The following AGBL1 variants were observed in gnomAD, a reference collection of about 807,000 sequenced individuals.
The protein encoded by AGBL1 is cytosolic carboxypeptidase 4.
A neutral mutation model predicts 118.9 loss-of-function variants in AGBL1; 130 were observed. The observed-to-expected ratio is 1.09, with a 90% confidence interval of 0.95 to 1.26. The LOEUF is 1.26. Ranked by LOEUF, AGBL1 falls within the 50% of genes most tolerant of loss-of-function variation. The pLI is 0.00. For synonymous variants in AGBL1, 555 were observed against 478.9 expected (o/e 1.16, Z -2.08); for missense variants, 1,584 against 1,298.1 (o/e 1.22, Z -3.38).
In AGBL1 at chr15:86,746,689, A is replaced by C. The variant is rs573799218; in HGVS notation, c.3158+72253A>C. 9.2e-5 allele frequency among the ~76,000 whole-genome samples: 14 copies of C among 152,154 alleles called. No homozygotes were observed. The East Asian group carries it at 2.5e-3, about 27-fold the overall frequency. ...CACTTATTGGATGTTTTGTGAACAC[A>C]TCCTTTCTCTTCTGTGTATTTTATG... is the stretch of plus-strand genomic sequence containing the variant. On this transcript the variant is annotated intron_variant, in intron 22 of 22. Coordinates refer to ENST00000614907, the MANE Select transcript of AGBL1 (RefSeq NM_001386094.1).
intron 22 of AGBL1, among the ~76,000 whole-genome samples, chr15:86,887,788 G>A (rs998954359): frequency 4.6e-5 from 7 of 151,960 alleles, no homozygotes; most frequent in South Asian, 2.1e-4. Flanking sequence ...AAAGGACTTC[G>A]ACAATTCTCC....
intron 17 of AGBL1, among the ~76,000 whole-genome samples, chr15:86,315,490 C>T (rs1483357288): frequency 7.2e-5 from 11 of 151,896 alleles, no homozygotes; most frequent in African/African-American, 1.7e-4. Flanking sequence ...CCAAGGCAGG[C>T]GGATCACGAG....
At chr15:86,569,056 A>C (rs1445704063) in intron 21 of AGBL1, among the ~76,000 whole-genome samples, 1 of 152,114 alleles carries the variant, frequency 6.6e-6, no homozygotes, top group African/African-American at 2.4e-5. Context: ...TCCCTTCTCA[A>C]AGTCTTGGAA....
chr15:86,900,085 T>C (rs1293198731), intron 22 of AGBL1, among the ~76,000 whole-genome samples: 3 of 152,178 alleles, frequency 2.0e-5, no homozygotes, highest in Non-Finnish European at 4.4e-5. Flanking sequence ...TTTTGGACTC[T>C]TGGGCTTACA....
intron 17 of AGBL1, among the ~76,000 whole-genome samples, chr15:86,369,146 T>C (rs2080933244): frequency 6.6e-6 from 1 of 152,150 alleles, no homozygotes; most frequent in Admixed American, 6.5e-5. Flanking sequence ...AAACAAGAGA[T>C]GACAGGCATG....
In AGBL1 at chr15:86,397,666, T is replaced by A. The variant is rs1022580364; in HGVS notation, c.2555+120T>A. ...ACTCTGTCGAGAATAAACTCTTGGTTTTCTGTTTTCTGCTACAAATAACAA... is the reference window on the plus strand; with the variant it reads ...ACTCTGTCGAGAATAAACTCTTGGTATTCTGTTTTCTGCTACAAATAACAA... On this transcript the variant is annotated intron_variant, in intron 18 of 22. Transcript: ENST00000614907. The A allele has an allele frequency of 5.7e-6, 5 of 878,072 alleles. No individual in the cohort carries two copies. The African/African-American group carries it at 6.7e-5, about 12-fold the overall frequency. The allele number at this position is 878,072 out of a possible 1,614,324, so 54.4% of individuals were successfully genotyped here.
chr15:86,746,473 C>A (rs1015992757), intron 22 of AGBL1, among the ~76,000 whole-genome samples: 2 of 151,908 alleles, frequency 1.3e-5, no homozygotes, highest in Non-Finnish European at 2.9e-5. Context: ...CAGAACATAC[C>A]TTGCACAGAG....
intron 21 of AGBL1, among the ~76,000 whole-genome samples, chr15:86,564,361 A>G (rs2083879451): frequency 6.6e-6 from 1 of 152,150 alleles, no homozygotes. Flanking sequence ...GCTTGTCTGT[A>G]AAGGATTTTA....
chr15:86,846,919 T>C (rs377505488), intron 22 of AGBL1, among the ~76,000 whole-genome samples: 1 of 152,214 alleles, frequency 6.6e-6, no homozygotes, highest in African/African-American at 2.4e-5. Context: ...CTAAAATGTA[T>C]GTATTGACAC....
At chr15:86,217,562 G>T (rs2141906599) in intron 5 of AGBL1, among the ~76,000 whole-genome samples, 1 of 152,268 alleles carries the variant, frequency 6.6e-6, no homozygotes, top group African/African-American at 2.4e-5. Flanking sequence ...CCTAACAGAG[G>T]ACTAGGGGTC....
At chr15:87,014,860 T>C (rs762903508) in intron 24 of AGBL1, among the ~76,000 whole-genome samples, 5 of 152,126 alleles carry the variant, frequency 3.3e-5, no homozygotes, top group Non-Finnish European at 7.3e-5. Context: ...TGCTTGATGA[T>C]TAATGTTAGG....
At chr15:86,771,399 A>C (rs2078178040) in intron 22 of AGBL1, among the ~76,000 whole-genome samples, 1 of 151,978 alleles carries the variant, frequency 6.6e-6, no homozygotes, top group Non-Finnish European at 1.5e-5. Context: ...CAGGGATCAA[A>C]TGCTTGCTCT....
intron 5 of AGBL1, among the ~76,000 whole-genome samples, chr15:86,175,001 G>A (rs1470185848): frequency 2.6e-5 from 4 of 152,028 alleles, no homozygotes; most frequent in African/African-American, 9.7e-5. Context: ...TTCAGTATTA[G>A]GGTAATGCTG....
intron 22 of AGBL1, among the ~76,000 whole-genome samples, chr15:86,875,502 A>G (rs1484357243): frequency 6.6e-6 from 1 of 152,224 alleles, no homozygotes; most frequent in Non-Finnish European, 1.5e-5. Context: ...CTTTCTCTTC[A>G]GTGTCTGACT....
chr15:86,260,910 G>C (rs1266884678), intron 9 of AGBL1, among the ~76,000 whole-genome samples: 1 of 152,202 alleles, frequency 6.6e-6, no homozygotes, highest in African/African-American at 2.4e-5. Flanking sequence ...CCATTTATAA[G>C]AAATACAAAA....
At chr15:86,534,784 T>TA (rs1239617293) in intron 19 of AGBL1, among the ~76,000 whole-genome samples, 1 of 152,184 alleles carries the variant, frequency 6.6e-6, no homozygotes, top group Non-Finnish European at 1.5e-5. Context: ...AGCTAGACAC[T>TA]AAAGACTACA....
chr15:86,764,770 G>A (rs1055210687), intron 22 of AGBL1, among the ~76,000 whole-genome samples: 3 of 152,004 alleles, frequency 2.0e-5, no homozygotes, highest in Non-Finnish European at 2.9e-5. Context: ...TTATAACTAC[G>A]AAATTTTTAA....
At chr15:86,269,723 GC>G (rs1374440450) in intron 13 of AGBL1, among the ~76,000 whole-genome samples, 195 bp from the exon 14 acceptor site, 1 of 152,246 alleles carries the variant, frequency 6.6e-6, no homozygotes, top group Admixed American at 6.5e-5. Flanking sequence ...ATACTAGGAA[GC>G]CCCCTCACCT....
chr15:86,166,170 C>T (rs2077338825), intron 5 of AGBL1, among the ~76,000 whole-genome samples: 1 of 152,210 alleles, frequency 6.6e-6, no homozygotes, highest in Non-Finnish European at 1.5e-5. Flanking sequence ...CTCCAAGACA[C>T]TTTTCTGCAT....
Sources: gnomAD v4.1 joint callset for allele counts (sites outside exome capture counted in the v4.1 genomes callset) on GRCh38, gnomAD v4.1.1 for gene constraint, MANE v1.5 for transcripts, NCBI Gene and HGNC (gene_info 2026-07-23, HGNC 2026-07-21) for gene names.